The following CTNNA3 variants were observed in gnomAD, a reference collection of about 807,000 sequenced individuals.
CTNNA3 encodes catenin alpha-3.
Under a neutral mutation model 95.7 loss-of-function variants are expected in CTNNA3, and 76 were observed. The ratio of observed to expected loss-of-function variants is 0.79; its 90% confidence interval spans 0.66 to 0.96. The LOEUF (loss-of-function observed/expected upper bound fraction) is 0.96, where lower values mean the gene tolerates loss of function less well. Among genes scored for constraint, CTNNA3 ranks in the 40% least tolerant of loss-of-function variants. The pLI is 0.00. For synonymous variants in CTNNA3, 431 were observed against 374.4 expected, an observed-to-expected ratio of 1.15 and a Z score of -1.74; for missense variants, 1,191 against 1,089.8, an observed-to-expected ratio of 1.09 and a Z score of -1.31.
At chr10:66,688,371 ACCTCAAAGTCG>A (rs1847378850) in intron 9 of CTNNA3, among the ~76,000 whole-genome samples, 2 of 152,024 alleles carry the variant, frequency 1.3e-5, no homozygotes, top group South Asian at 4.2e-4. Context: ...CTTCTTGCAG[ACCTCAAAGTCG>A]CCATGCTTGT....
rs148554491 is a variant in CTNNA3, at chr10:67,216,752, A to G, written c.843+2855T>C. ...TGGGAATTCAGATTAGTTCTTGTGT[A>G]CCACAATGACAACAGCTGCTTTTTC... On this transcript the variant is annotated intron_variant, in intron 6 of 17. Coordinates refer to ENST00000433211, the MANE Select transcript of CTNNA3 (RefSeq NM_013266.4). Among the ~76,000 whole-genome samples the G allele has an allele frequency of 4.1e-4, 63 of 152,350 alleles. 2 individuals carry two copies. The East Asian group carries it at 0.012, about 28-fold the overall frequency.
intron 7 of CTNNA3, among the ~76,000 whole-genome samples, chr10:67,038,951 T>C (rs1400828458): frequency 1.3e-5 from 2 of 152,100 alleles, no homozygotes; most frequent in African/African-American, 2.4e-5. Flanking sequence ...AATAGTCTTT[T>C]GAGAAGATTC....
chr10:67,229,922 A>G (rs1292535677), intron 5 of CTNNA3, among the ~76,000 whole-genome samples: 2 of 152,190 alleles, frequency 1.3e-5, no homozygotes, highest in Non-Finnish European at 2.9e-5. Context: ...ATTTAATGCA[A>G]TCCCCATCAA....
chr10:66,452,033 C>T (rs935819528), intron 11 of CTNNA3, among the ~76,000 whole-genome samples: 2 of 152,140 alleles, frequency 1.3e-5, no homozygotes, highest in Non-Finnish European at 2.9e-5. Flanking sequence ...GGTTCCCTGG[C>T]CAGTTCTCCA....
intron 5 of CTNNA3, among the ~76,000 whole-genome samples, chr10:67,263,851 G>A (rs569562939): frequency 3.3e-5 from 5 of 152,184 alleles, no homozygotes; most frequent in Non-Finnish European, 5.9e-5. Context: ...CCCTGGGAAC[G>A]AGAACTTCAA....
intron 5 of CTNNA3, among the ~76,000 whole-genome samples, chr10:67,268,100 T>A (rs1866901391): frequency 6.6e-6 from 1 of 151,976 alleles, no homozygotes; most frequent in African/African-American, 2.4e-5. Context: ...GCATAGTGGG[T>A]CAAATCATCA....
chr10:66,556,391 C>T (rs998292657), intron 10 of CTNNA3, among the ~76,000 whole-genome samples: 2 of 151,934 alleles, frequency 1.3e-5, no homozygotes, highest in Admixed American at 1.3e-4. Context: ...AAATCAGTAT[C>T]GCGAAGAGAT....
chr10:66,032,103 T>C (rs978411119), intron 15 of CTNNA3, among the ~76,000 whole-genome samples: 2 of 152,198 alleles, frequency 1.3e-5, no homozygotes, highest in African/African-American at 4.8e-5. Context: ...TATCTTGGAA[T>C]TTAGACAGGG....
intron 10 of CTNNA3, among the ~76,000 whole-genome samples, chr10:66,534,106 T>C (rs1799836552): frequency 6.6e-6 from 1 of 152,148 alleles, no homozygotes; most frequent in South Asian, 2.1e-4. Context: ...TCAACTCTAG[T>C]GAGTCTCGAG....
intron 3 of CTNNA3, among the ~76,000 whole-genome samples, chr10:67,542,797 TG>T (rs1250904336): frequency 6.6e-6 from 1 of 152,132 alleles, no homozygotes; most frequent in Non-Finnish European, 1.5e-5. Context: ...CAACGACAGC[TG>T]GTTTATAGAA....
intron 15 of CTNNA3, among the ~76,000 whole-genome samples, chr10:66,049,790 T>C (rs2079908885): frequency 7.1e-6 from 1 of 139,988 alleles, no homozygotes; most frequent in Non-Finnish European, 1.6e-5. Flanking sequence ...TAGCATCTAC[T>C]TGAGGGGGAA....
chr10:67,468,797 G>A (rs1047300526), intron 5 of CTNNA3, among the ~76,000 whole-genome samples: 2 of 152,066 alleles, frequency 1.3e-5, no homozygotes, highest in African/African-American at 2.4e-5. Context: ...CCCAGCAACC[G>A]GGAACACACA....
intron 5 of CTNNA3, among the ~76,000 whole-genome samples, chr10:67,332,061 T>C (rs1445642155): frequency 8.5e-5 from 13 of 152,186 alleles, no homozygotes; most frequent in African/African-American, 3.1e-4. Context: ...AAAAACCTAA[T>C]TACTTATAGG....
chr10:66,763,358 A>AGAGG (rs1839693571), intron 9 of CTNNA3, among the ~76,000 whole-genome samples: 1 of 151,558 alleles, frequency 6.6e-6, no homozygotes, highest in African/African-American at 2.4e-5. Flanking sequence ...AGAGAGGGAG[A>AGAGG]GAGAGAGAAA....
intron 10 of CTNNA3, among the ~76,000 whole-genome samples, chr10:66,535,640 T>C (rs1841626198): frequency 6.6e-6 from 1 of 152,212 alleles, no homozygotes; most frequent in South Asian, 2.1e-4. Context: ...ATTTCCATGA[T>C]GACTGAGTCT....
At chr10:67,113,335 G>A (rs1008286723) in intron 7 of CTNNA3, among the ~76,000 whole-genome samples, 1 of 151,760 alleles carries the variant, frequency 6.6e-6, no homozygotes, top group African/African-American at 2.4e-5. Flanking sequence ...TCTCATCCCT[G>A]ACTCATCTTT....
chr10:66,719,379 C>A (rs1164086191), intron 9 of CTNNA3, among the ~76,000 whole-genome samples: 1 of 152,184 alleles, frequency 6.6e-6, no homozygotes, highest in Non-Finnish European at 1.5e-5. Flanking sequence ...CTTGAACTTT[C>A]TGACCCTAAG....
chr10:67,383,647 C>A (rs1844032356), intron 5 of CTNNA3, among the ~76,000 whole-genome samples: 1 of 115,236 alleles, frequency 8.7e-6, no homozygotes, highest in African/African-American at 2.5e-5. Flanking sequence ...ACCTCACTAA[C>A]CTAACTAGAG....
At chr10:66,421,543 C>T (rs1284088195) in intron 11 of CTNNA3, among the ~76,000 whole-genome samples, 1 of 151,720 alleles carries the variant, frequency 6.6e-6, no homozygotes, top group African/African-American at 2.4e-5. Flanking sequence ...TATTATGTAT[C>T]CATAAAAAGT....
Sources: allele counts gnomAD v4.1 joint callset (sites outside exome capture counted in the v4.1 genomes callset), GRCh38; gene constraint gnomAD v4.1.1; transcripts MANE v1.5; gene names NCBI Gene and HGNC (gene_info 2026-07-23, HGNC 2026-07-21).